Variants in RIN2 observed in about 807,000 individuals in gnomAD.
RIN2 encodes the protein RAB5 interacting protein 2.
Under a neutral mutation model 78.0 loss-of-function variants are expected in RIN2, and 36 were observed. The observed-to-expected ratio is 0.46, with a 90% confidence interval of 0.35 to 0.61. The LOEUF (loss-of-function observed/expected upper bound fraction) is 0.61. Among genes scored for constraint, RIN2 ranks in the 20% least tolerant of loss-of-function variants. The pLI is 0.00. For missense variants in RIN2, 1,087 were observed against 1,159.7 expected (o/e 0.94, Z 0.91); for synonymous variants, 466 against 466.8 (o/e 1.00, Z 0.02).
chr20:19,923,365 G>A (rs975527053), intron 3 of RIN2, among the ~76,000 whole-genome samples: 4 of 151,502 alleles, frequency 2.6e-5, no homozygotes, highest in African/African-American at 7.3e-5. Context: ...GCAGTGAGCC[G>A]AGATTGTGCC....
intron 1 of RIN2, among the ~76,000 whole-genome samples, chr20:19,760,262 C>T (rs1236681508): frequency 6.6e-6 from 1 of 152,112 alleles, no homozygotes; most frequent in Non-Finnish European, 1.5e-5. Flanking sequence ...TTGACAGGAG[C>T]TTTTGGGTTT....
At chr20:19,889,919 T>G (rs564029664) in intron 3 of RIN2, among the ~76,000 whole-genome samples, 1 of 152,304 alleles carries the variant, frequency 6.6e-6, no homozygotes, top group South Asian at 2.1e-4. Flanking sequence ...TGTCTTTATT[T>G]GAGAGCTGCT....
chr20:19,770,699 G>A (rs956723698), intron 1 of RIN2, among the ~76,000 whole-genome samples: 2 of 151,884 alleles, frequency 1.3e-5, no homozygotes, highest in Non-Finnish European at 2.9e-5. Flanking sequence ...TAACCTGTAC[G>A]TGAAAAAAAC....
intron 3 of RIN2, among the ~76,000 whole-genome samples, chr20:19,910,367 T>G (rs2039407788): frequency 6.7e-6 from 1 of 148,724 alleles, no homozygotes; most frequent in Admixed American, 6.7e-5. Flanking sequence ...GAGTCAGGGT[T>G]TCACCATGTT....
chr20:19,980,175 C>G (rs1290675060), intron 9 of RIN2, among the ~76,000 whole-genome samples: 1 of 151,156 alleles, frequency 6.6e-6, no homozygotes, highest in Admixed American at 6.6e-5. Flanking sequence ...CCTGAAGGAA[C>G]AAATGTCCTT....
rs2042983065 is a variant in RIN2, at chr20:19,996,834, G to A, written c.2356G>A (p.Asp786Asn). The stretch of plus-strand genomic sequence containing the variant: ...CAACCGGACCATCCCCTCTGTGGAC[G>A]ACTTCCAGGTGTGCAGCTGGCCACC... Reference protein sequence around the residue: ...TTNRTIPSVDDFQNYLRVAFQ... With the variant: ...TTNRTIPSVDNFQNYLRVAFQ... The change falls in exon 12 of 13, where the codon GAC becomes AAC. Residue 786 changes from aspartate to asparagine, a missense_variant. Physicochemically the swap from Asp to Asn is conservative, Grantham distance 23 (BLOSUM62 1). This residue lies in a region of RIN2 where 160 missense variants were observed against 179.4 expected (regional missense o/e 0.89). Transcript: ENST00000255006. 2 of 1,589,068 alleles carry A rather than the reference G, an allele frequency of 1.3e-6. No individual in the cohort carries two copies. The highest frequency in any genetic ancestry group is 1.8e-5 in the Admixed American group (1 of 56,148).
chr20:19,933,729 A>C (rs2040523621), intron 3 of RIN2, among the ~76,000 whole-genome samples: 1 of 152,138 alleles, frequency 6.6e-6, no homozygotes, highest in African/African-American at 2.4e-5. Flanking sequence ...TACCTGAGAC[A>C]AGACAACATT....
chr20:19,997,990 TC>T lies in RIN2; in HGVS notation c.2364+1149del, dbSNP rs199512667. 7.9e-4 allele frequency among the ~76,000 whole-genome samples: 119 copies of T among 150,694 alleles called. 1 individual carries two copies. The East Asian group carries it at 8.2e-3, about 10-fold the overall frequency. Reference sequence around the variant, plus strand: ...CCAGATTCACCTGCTTTTTTTTTTTTCTTAAGACAGAGTCTCGCTCTGTCAC... The same window carrying T: ...CCAGATTCACCTGCTTTTTTTTTTTTTTAAGACAGAGTCTCGCTCTGTCAC... On this transcript the variant is annotated intron_variant, in intron 12 of 12. Transcript: ENST00000255006.
intron 2 of RIN2, among the ~76,000 whole-genome samples, chr20:19,805,475 CA>C (rs1181761221): frequency 6.6e-6 from 1 of 152,146 alleles, no homozygotes; most frequent in African/African-American, 2.4e-5. Context: ...GATCTCGGCT[CA>C]CTGCAACCTC....
At chr20:19,921,430 C>T (rs979933772) in intron 3 of RIN2, among the ~76,000 whole-genome samples, 1 of 152,162 alleles carries the variant, frequency 6.6e-6, no homozygotes. Flanking sequence ...TGATTTACCC[C>T]CTGCCTGGCA....
chr20:19,916,338 G>A lies in RIN2; in HGVS notation c.58-18761G>A, dbSNP rs572778470. 8.8e-4 allele frequency among the ~76,000 whole-genome samples: 134 copies of A among 152,364 alleles called. 1 individual carries two copies. The highest frequency in any genetic ancestry group is 3.1e-3 in the African/African-American group (129 of 41,590). ...TTTGCATTTCTTTAAGAGTTTGGGG[G>A]CTGGGTGTAGTGGCTCACGCCCATA... On this transcript the variant is annotated intron_variant, in intron 3 of 12. Coordinates refer to ENST00000255006, the MANE Select transcript of RIN2 (RefSeq NM_018993.4).
intron 2 of RIN2, among the ~76,000 whole-genome samples, chr20:19,877,904 C>T (rs1398790023): frequency 6.6e-6 from 1 of 152,084 alleles, no homozygotes; most frequent in Non-Finnish European, 1.5e-5. Flanking sequence ...CCTGTAGTCC[C>T]AGCTACTGGA....
intron 3 of RIN2, among the ~76,000 whole-genome samples, chr20:19,920,530 G>A (rs1002320202): frequency 2.6e-4 from 39 of 152,158 alleles, no homozygotes; most frequent in Non-Finnish European, 5.0e-4. Flanking sequence ...AGCCACACAC[G>A]CTGCTTCCGT....
At chr20:19,780,489 G>C (rs903223462) in intron 1 of RIN2, among the ~76,000 whole-genome samples, 1 of 152,100 alleles carries the variant, frequency 6.6e-6, no homozygotes, top group Non-Finnish European at 1.5e-5. Flanking sequence ...ACTGAGATCT[G>C]GATGTAATGA....
intron 2 of RIN2, among the ~76,000 whole-genome samples, chr20:19,855,414 T>G (rs1268523491): frequency 6.6e-6 from 1 of 152,146 alleles, no homozygotes; most frequent in South Asian, 2.1e-4. Context: ...TTAGGGAGGA[T>G]TCCCTCTTTT....
chr20:19,848,452 C>T (rs2036853029), intron 2 of RIN2, among the ~76,000 whole-genome samples: 1 of 148,406 alleles, frequency 6.7e-6, no homozygotes, highest in Admixed American at 6.9e-5. Flanking sequence ...AGGAGAATCA[C>T]TTGAACCAGG....
chr20:19,924,939 A>G (rs1238004671), intron 3 of RIN2, among the ~76,000 whole-genome samples: 3 of 150,200 alleles, frequency 2.0e-5, no homozygotes, highest in Admixed American at 6.6e-5. Context: ...GGGTTTCTCC[A>G]AGTTGGTCAG....
intron 12 of RIN2, 40 bp downstream of exon 12, chr20:19,996,882 G>T: frequency 1.3e-6 from 2 of 1,526,324 alleles, no homozygotes; most frequent in South Asian, 2.5e-5. Flanking sequence ...TCGTCCTCCA[G>T]GAATGCGGAG....
At chr20:19,860,703 C>T (rs1296069324) in intron 2 of RIN2, among the ~76,000 whole-genome samples, 3 of 152,202 alleles carry the variant, frequency 2.0e-5, no homozygotes, top group Non-Finnish European at 4.4e-5. Context: ...ACTCACTCCC[C>T]ATGGAGTCTG....
Sources: gnomAD v4.1 joint callset for allele counts (sites outside exome capture counted in the v4.1 genomes callset) on GRCh38, gnomAD v4.1.1 for gene constraint, gnomAD v4.1.1 regional missense constraint, MANE v1.5 for transcripts, NCBI Gene and HGNC (gene_info 2026-07-23, HGNC 2026-07-21) for gene names.